The following PPP1R12A variants were observed in gnomAD, a reference collection of about 807,000 sequenced individuals.
The protein encoded by PPP1R12A is myosin binding subunit.
In PPP1R12A, 19 loss-of-function variants were observed where a neutral mutation model predicts 139.6. The observed-to-expected ratio is 0.14, with a 90% CI of 0.09 to 0.20. The LOEUF is 0.20. Ranked by LOEUF, PPP1R12A falls within the 10% of genes least tolerant of loss-of-function variation. The pLI is 1.00. For missense variants in PPP1R12A, 925 were observed against 1,211.5 expected, an observed-to-expected ratio of 0.76 and a Z score of 3.51; for synonymous variants, 427 against 420.6, an observed-to-expected ratio of 1.02 and a Z score of -0.19.
At chr12:79,785,809 A>G (rs934525434) in intron 22 of PPP1R12A, among the ~76,000 whole-genome samples, 1 of 152,110 alleles carries the variant, frequency 6.6e-6, no homozygotes, top group Non-Finnish European at 1.5e-5. Context: ...TCCCAGAACT[A>G]ATGTTCCATG....
intron 24 of PPP1R12A, among the ~76,000 whole-genome samples, chr12:79,778,180 G>A (rs995650638): frequency 2.6e-5 from 4 of 151,402 alleles, no homozygotes; most frequent in South Asian, 4.2e-4. Flanking sequence ...CTACTTACTC[G>A]CCAAAAAACA....
At chr12:79,789,477 T>C (rs1050134567) in intron 20 of PPP1R12A, 1 of 296,834 alleles carries the variant, frequency 3.4e-6, no homozygotes, top group Non-Finnish European at 6.6e-6. Flanking sequence ...AGTAATGTCT[T>C]AGATTTGATG....
intron 2 of PPP1R12A, among the ~76,000 whole-genome samples, chr12:79,868,360 C>A (rs771211168): frequency 3.9e-5 from 6 of 152,136 alleles, no homozygotes; most frequent in Non-Finnish European, 8.8e-5. Flanking sequence ...GACATTAACA[C>A]TGTAATTTTT....
chr12:79,812,301 C>A (rs532378077), intron 9 of PPP1R12A, among the ~76,000 whole-genome samples: 1 of 151,904 alleles, frequency 6.6e-6, no homozygotes, highest in East Asian at 1.9e-4. Flanking sequence ...CCATTAAACT[C>A]TCTTCTTTGG....
chr12:79,846,334 A>C (rs1045424299), intron 2 of PPP1R12A, among the ~76,000 whole-genome samples: 2 of 152,348 alleles, frequency 1.3e-5, no homozygotes, highest in Middle Eastern at 3.4e-3. Context: ...AGATACAAAA[A>C]GGTTATTTAT....
chr12:79,910,026 G>C (rs1197810323), intron 1 of PPP1R12A, among the ~76,000 whole-genome samples: 1 of 152,016 alleles, frequency 6.6e-6, no homozygotes, highest in Admixed American at 6.6e-5. Context: ...TAATAAAAAA[G>C]GGGAGGAATC....
chr12:79,923,145 G>A (rs1337400119), intron 1 of PPP1R12A, among the ~76,000 whole-genome samples: 1 of 152,104 alleles, frequency 6.6e-6, no homozygotes, highest in Admixed American at 6.6e-5. Flanking sequence ...ATGATGGCGG[G>A]TGCCTGTAAT....
At chr12:79,886,098 C>T (rs542103944) in intron 1 of PPP1R12A, among the ~76,000 whole-genome samples, 12 of 152,060 alleles carry the variant, frequency 7.9e-5, no homozygotes, top group Middle Eastern at 3.4e-3. Context: ...GCATTCAGGG[C>T]GACATAAATG....
At chr12:79,880,406 C>A (rs936111494) in intron 1 of PPP1R12A, among the ~76,000 whole-genome samples, 4 of 152,126 alleles carry the variant, frequency 2.6e-5, no homozygotes, top group Non-Finnish European at 5.9e-5. Flanking sequence ...AGTCAGTCAA[C>A]CAGTGGTAGA....
chr12:79,873,786 A>G (rs1421474917), intron 1 of PPP1R12A, among the ~76,000 whole-genome samples: 1 of 152,164 alleles, frequency 6.6e-6, no homozygotes, highest in Non-Finnish European at 1.5e-5. Flanking sequence ...CAAGATGGGA[A>G]GTGTATGTTA....
At chr12:79,832,300 A>C (rs765416509) in intron 4 of PPP1R12A, 32 bp downstream of exon 4, 1 of 1,562,244 alleles carries the variant, frequency 6.4e-7, no homozygotes, top group Non-Finnish European at 8.6e-7. Flanking sequence ...GACAAACTAA[A>C]ATAGAAAAAC....
At chr12:79,894,110 C>T (rs1370062204) in intron 1 of PPP1R12A, among the ~76,000 whole-genome samples, 1 of 152,296 alleles carries the variant, frequency 6.6e-6, no homozygotes, top group Non-Finnish European at 1.5e-5. Context: ...CCCCTCTCTA[C>T]CTTTATAGTG....
intron 2 of PPP1R12A, among the ~76,000 whole-genome samples, chr12:79,852,026 T>C (rs1880101627): frequency 6.6e-6 from 1 of 152,220 alleles, no homozygotes; most frequent in South Asian, 2.1e-4. Context: ...GTTTCAGGCA[T>C]GCTCATTCAT....
chr12:79,833,308 C>T (rs1177845809), intron 3 of PPP1R12A, among the ~76,000 whole-genome samples: 4 of 151,820 alleles, frequency 2.6e-5, no homozygotes, highest in Non-Finnish European at 5.9e-5. Context: ...TGAATAGGAC[C>T]CTCTAATTCC....
intron 11 of PPP1R12A, 32 bp from the exon 12 acceptor site, chr12:79,807,362 C>A (rs879166365): frequency 7.5e-7 from 1 of 1,338,612 alleles, no homozygotes; most frequent in South Asian, 1.3e-5. Context: ...GATTCTGGTA[C>A]ATAATTTTAA....
intron 2 of PPP1R12A, chr12:79,848,809 G>A (rs1260893518): frequency 4.6e-5 from 7 of 152,026 alleles, no homozygotes; most frequent in Non-Finnish European, 8.8e-5. Context: ...TCCTATGGTG[G>A]ATTAATTCTT....
intron 1 of PPP1R12A, among the ~76,000 whole-genome samples, chr12:79,896,172 C>T (rs964705227): frequency 6.6e-6 from 1 of 151,978 alleles, no homozygotes; most frequent in Non-Finnish European, 1.5e-5. Context: ...TAAATTTATT[C>T]TGGTACAACA....
intron 1 of PPP1R12A, among the ~76,000 whole-genome samples, chr12:79,927,934 G>A (rs1027299689): frequency 6.6e-6 from 1 of 152,158 alleles, no homozygotes; most frequent in Non-Finnish European, 1.5e-5. Flanking sequence ...GAAGGGTGGA[G>A]TAAAAGATGG....
At chr12:79,869,904 T>TATC (rs1310779741) in intron 2 of PPP1R12A, among the ~76,000 whole-genome samples, 1 of 93,572 alleles carries the variant, frequency 1.1e-5, no homozygotes, top group Non-Finnish European at 1.7e-5. Flanking sequence ...CTATTGTCTC[T>TATC]ATTATTATTA....
Sources: allele counts gnomAD v4.1 joint callset (sites outside exome capture counted in the v4.1 genomes callset), GRCh38; gene constraint gnomAD v4.1.1; transcripts MANE v1.5; gene names NCBI Gene and HGNC (gene_info 2026-07-23, HGNC 2026-07-21).